Variants in GRM1 observed in about 807,000 individuals in gnomAD.
GRM1 encodes the protein glutamate metabotropic receptor 1, also known as metabotropic glutamate receptor 1.
A neutral mutation model predicts 90.9 loss-of-function variants in GRM1; 33 were observed. That is an observed-to-expected ratio of 0.36 (90% CI 0.28 to 0.49). The LOEUF (loss-of-function observed/expected upper bound fraction) is 0.49, where lower values mean the gene tolerates loss of function less well. Among genes scored for constraint, GRM1 ranks in the 20% least tolerant of loss-of-function variants. GRM1 has a pLI of 0.99. For missense variants in GRM1, 1,190 were observed against 1,534.3 expected (o/e 0.78, Z 3.75); for synonymous variants, 700 against 613.2 (o/e 1.14, Z -2.09).
chr6:146,326,330 G>A (rs1021193427), intron 3 of GRM1, among the ~76,000 whole-genome samples: 1 of 152,148 alleles, frequency 6.6e-6, no homozygotes, highest in South Asian at 2.1e-4. Flanking sequence ...TTGGCGAACT[G>A]ACACAGGAAT....
intron 1 of GRM1, among the ~76,000 whole-genome samples, chr6:146,107,358 T>A (rs918634133): frequency 3.0e-5 from 4 of 132,602 alleles, no homozygotes; most frequent in African/African-American, 1.6e-4. Context: ...TCTTTCCAGG[T>A]AGTTTTTTTT....
At chr6:146,032,222 G>A (rs1055468438) in intron 1 of GRM1, among the ~76,000 whole-genome samples, 3 of 152,156 alleles carry the variant, frequency 2.0e-5, no homozygotes, top group African/African-American at 2.4e-5. Context: ...CAATGTCTCC[G>A]TACTATTATA....
chr6:146,074,113 C>G (rs1163102252), intron 1 of GRM1, among the ~76,000 whole-genome samples: 2 of 152,002 alleles, frequency 1.3e-5, no homozygotes, highest in African/African-American at 4.8e-5. Context: ...GATAAAAAGA[C>G]CTGCTTAACA....
intron 2 of GRM1, among the ~76,000 whole-genome samples, chr6:146,193,676 AT>A (rs1779008566): frequency 6.6e-6 from 1 of 152,140 alleles, no homozygotes; most frequent in Non-Finnish European, 1.5e-5. Flanking sequence ...AATGCAATAC[AT>A]TTTTTGTTCT....
At chr6:146,171,036 T>A (rs894008616) in intron 2 of GRM1, among the ~76,000 whole-genome samples, 1 of 152,156 alleles carries the variant, frequency 6.6e-6, no homozygotes, top group Non-Finnish European at 1.5e-5. Flanking sequence ...TTGTGCTGTG[T>A]ACTGGGGGCA....
At chr6:146,255,250 T>G (rs925922646) in intron 2 of GRM1, among the ~76,000 whole-genome samples, 1 of 152,148 alleles carries the variant, frequency 6.6e-6, no homozygotes, top group African/African-American at 2.4e-5. Flanking sequence ...AGTTAATTGG[T>G]TTAGAGGTTT....
intron 2 of GRM1, among the ~76,000 whole-genome samples, chr6:146,293,348 T>C (rs1396795441): frequency 1.3e-5 from 2 of 152,002 alleles, no homozygotes; most frequent in Non-Finnish European, 2.9e-5. Flanking sequence ...TGCAGGTGAA[T>C]TGTAAACATC....
At chr6:146,037,409 C>G (rs79176668) in intron 1 of GRM1, among the ~76,000 whole-genome samples, 6,027 of 152,010 alleles carry the variant, frequency 0.04, 389 homozygotes, top group African/African-American at 0.13. Context: ...TGCTCAAGAT[C>G]ATAAAATTCA....
In GRM1 at chr6:146,084,182, A is replaced by T. The variant is rs149248254; in HGVS notation, c.700+53965A>T. On this transcript the variant is annotated intron_variant, in intron 1 of 7. Transcript: ENST00000282753. ...TATTTTGTCAATTTTTTTTCAAAAA[A>T]CCAGCTCCTGGATTCATTGATTTTT... Among the ~76,000 whole-genome samples the T allele has an allele frequency of 3.9e-3, 598 of 151,714 alleles. 17 individuals are homozygous for T. In the East Asian group the frequency reaches 0.069, roughly 18 times the overall value.
rs1582957282 is a variant in GRM1 at position 146,069,582 on chromosome 6, C to T, written c.700+39365C>T. Among the ~76,000 whole-genome samples the T allele has an allele frequency of 6.6e-5, 10 of 152,082 alleles. 1 individual carries two copies. The South Asian group carries it at 2.1e-3, about 32-fold the overall frequency. On this transcript the variant is annotated intron_variant, in intron 1 of 7. Transcript: ENST00000282753. ...TTTCAGCTGTAGTTGGTACCCGATC[C>T]ATAAAATTCTTTTCAAAAAGTCCAT...
intron 2 of GRM1, among the ~76,000 whole-genome samples, chr6:146,178,379 T>A (rs1488395138): frequency 1.3e-5 from 2 of 152,204 alleles, no homozygotes; most frequent in Non-Finnish European, 2.9e-5. Context: ...ATCCCTTAGC[T>A]GAAATGCTTT....
At chr6:146,214,672 A>G (rs1204269726) in intron 2 of GRM1, among the ~76,000 whole-genome samples, 1 of 152,218 alleles carries the variant, frequency 6.6e-6, no homozygotes, top group East Asian at 1.9e-4. Context: ...GTGAAGAATA[A>G]TAGAGTTATG....
chr6:146,193,545 T>C (rs1225069147), intron 2 of GRM1, among the ~76,000 whole-genome samples: 1 of 152,150 alleles, frequency 6.6e-6, no homozygotes, highest in Non-Finnish European at 1.5e-5. Context: ...AAGGTGGAGA[T>C]GATGTATTTA....
intron 2 of GRM1, among the ~76,000 whole-genome samples, chr6:146,223,371 C>T (rs1024894650): frequency 2.0e-5 from 3 of 152,044 alleles, no homozygotes; most frequent in African/African-American, 7.2e-5. Flanking sequence ...TTGAAAAACA[C>T]TCCAGGAAGA....
chr6:146,407,684 G>T (rs3804302), intron 7 of GRM1, among the ~76,000 whole-genome samples: 1 of 152,132 alleles, frequency 6.6e-6, no homozygotes, highest in Non-Finnish European at 1.5e-5. Flanking sequence ...GGCTTGGAAA[G>T]CTCAATGCCA....
intron 3 of GRM1, among the ~76,000 whole-genome samples, chr6:146,335,797 A>C (rs1374770645): frequency 6.6e-6 from 1 of 152,150 alleles, no homozygotes; most frequent in Non-Finnish European, 1.5e-5. Context: ...CTGTGTCCCC[A>C]CCCAAATTTC....
At chr6:146,134,867 C>T (rs1246449126) in intron 1 of GRM1, among the ~76,000 whole-genome samples, 2 of 152,060 alleles carry the variant, frequency 1.3e-5, no homozygotes, top group African/African-American at 4.8e-5. Context: ...GGAGGCAGAG[C>T]TTGCAGTGAG....
chr6:146,150,661 TC>T (rs1349692535), intron 1 of GRM1, among the ~76,000 whole-genome samples: 1 of 152,176 alleles, frequency 6.6e-6, no homozygotes, highest in Non-Finnish European at 1.5e-5. Context: ...ATTCATTTTA[TC>T]TAGCTGTATT....
intron 2 of GRM1, among the ~76,000 whole-genome samples, chr6:146,223,626 A>G (rs1392757867): frequency 1.3e-5 from 2 of 152,142 alleles, no homozygotes; most frequent in African/African-American, 4.8e-5. Context: ...TATCACTAAA[A>G]TATACTTGCA....
Sources: gnomAD v4.1 joint callset for allele counts (sites outside exome capture counted in the v4.1 genomes callset) on GRCh38, gnomAD v4.1.1 for gene constraint, MANE v1.5 for transcripts, NCBI Gene and HGNC (gene_info 2026-07-23, HGNC 2026-07-21) for gene names.